Variants in PLEKHH1 observed in about 807,000 individuals in gnomAD.
PLEKHH1 encodes pleckstrin homology domain-containing family H member 1.
In PLEKHH1, 104 loss-of-function variants were observed where a neutral mutation model predicts 160.0. That is an observed-to-expected ratio of 0.65 (90% CI 0.55 to 0.76). PLEKHH1 has a LOEUF of 0.76. PLEKHH1 is among the 30% of genes least tolerant of loss of function. The pLI is 0.00. For synonymous variants in PLEKHH1, 619 were observed against 678.4 expected, an observed-to-expected ratio of 0.91 and a Z score of 1.36; for missense variants, 1,427 against 1,724.1, an observed-to-expected ratio of 0.83 and a Z score of 3.05.
chr14:67,551,690 A>C (rs1364048879), intron 2 of PLEKHH1, among the ~76,000 whole-genome samples: 1 of 152,048 alleles, frequency 6.6e-6, no homozygotes, highest in Non-Finnish European at 1.5e-5. Context: ...GGAGTTTGAG[A>C]CCAGCCTGAC....
At chr14:67,586,529 C>T in intron 28 of PLEKHH1, 2 of 736,800 alleles carry the variant, frequency 2.7e-6, no homozygotes, top group South Asian at 1.4e-5. Context: ...ACAGTGCTCC[C>T]TCTTCCTTGT....
At chr14:67,557,229 GA>G (rs748926192) in intron 3 of PLEKHH1, 39 bp from the exon 4 acceptor site, 1 of 1,594,002 alleles carries the variant, frequency 6.3e-7, no homozygotes, top group Non-Finnish European at 8.6e-7. Flanking sequence ...CACCCCGTGT[GA>G]GTGATGGGAA....
chr14:67,566,804 G>C (rs767138119), intron 7 of PLEKHH1, among the ~76,000 whole-genome samples: 30 of 151,634 alleles, frequency 2.0e-4, no homozygotes, highest in Non-Finnish European at 3.8e-4. Flanking sequence ...AAGTGTATGT[G>C]TGTGAGAGAG....
At chr14:67,539,220 T>C (rs1348457739) in intron 1 of PLEKHH1, among the ~76,000 whole-genome samples, 1 of 152,210 alleles carries the variant, frequency 6.6e-6, no homozygotes, top group East Asian at 1.9e-4. Context: ...TCTGAGAGCC[T>C]TACAAGGTTC....
At chr14:67,543,703 A>T (rs144629296) in intron 2 of PLEKHH1, among the ~76,000 whole-genome samples, 1 of 152,014 alleles carries the variant, frequency 6.6e-6, no homozygotes, top group African/African-American at 2.4e-5. Flanking sequence ...ATAAGTAGGG[A>T]TTGACTCAGC....
At chr14:67,556,612 G>T (rs928188005) in intron 3 of PLEKHH1, among the ~76,000 whole-genome samples, 1 of 152,154 alleles carries the variant, frequency 6.6e-6, no homozygotes, top group African/African-American at 2.4e-5. Context: ...GCCCAGCGGG[G>T]TGTGACGGTA....
intron 28 of PLEKHH1, 178 bp from the exon 29 acceptor site, chr14:67,586,896 C>CAT: frequency 6.5e-7 from 1 of 1,530,008 alleles, no homozygotes. Flanking sequence ...GGAGCCCACA[C>CAT]CACTGGGCCT....
chr14:67,587,404 T>C lies in PLEKHH1; in HGVS notation c.*169T>C. The C allele has an allele frequency of 2.8e-6, 2 of 726,630 alleles. No individual in the cohort carries two copies. Among genetic ancestry groups the C allele is most frequent in the South Asian group, 1.7e-5 (1 of 57,960 alleles). 45.0% of individuals were successfully genotyped at this position (726,630 alleles called of 1,614,324 possible). A position where few individuals can be genotyped will look rare whatever the true frequency, so the allele number is the denominator to read the frequency against. On this transcript the variant is annotated 3_prime_UTR_variant, in exon 29 of 29. Transcript: ENST00000329153. ...CCTTTACTCTCTAGGTGCCTTATAATGTTTCAGGGCTCAACTTTTTAAAAT... is the reference window on the plus strand; with the variant it reads ...CCTTTACTCTCTAGGTGCCTTATAACGTTTCAGGGCTCAACTTTTTAAAAT...
chr14:67,559,414 T>C (rs1387590949), intron 4 of PLEKHH1, among the ~76,000 whole-genome samples, 194 bp from the exon 5 acceptor site: 2 of 152,176 alleles, frequency 1.3e-5, no homozygotes, highest in South Asian at 2.1e-4. Flanking sequence ...TGGTGAACAC[T>C]TAGACTATTT....
Position 67,565,750 on chromosome 14 carries a change from T to C in PLEKHH1, c.1263+2856T>C, listed in dbSNP as rs142099758. Among the ~76,000 whole-genome samples, 25 of 152,210 alleles carry C rather than the reference T, an allele frequency of 1.6e-4. 1 individual carries two copies. In the East Asian group the frequency reaches 4.4e-3, roughly 27 times the overall value. On this transcript the variant is annotated intron_variant, in intron 7 of 28. Coordinates refer to ENST00000329153, the MANE Select transcript of PLEKHH1 (RefSeq NM_020715.3). ...AGGTCACTTGGGAGAGGGGGTGACA[T>C]CAGGGTGGACTCACCCCACACCACT...
chr14:67,568,063 A>G (rs1045970718), intron 7 of PLEKHH1, among the ~76,000 whole-genome samples: 19 of 152,166 alleles, frequency 1.2e-4, no homozygotes, highest in African/African-American at 4.1e-4. Context: ...GTTGGGCTAA[A>G]TAGGCTTTGT....
rs1387941150 is a variant in PLEKHH1 at position 67,573,451 on chromosome 14, G to C, written c.1839+65G>C. 1 of 1,062,616 alleles carries C rather than the reference G, an allele frequency of 9.4e-7. No homozygotes were observed. Among genetic ancestry groups the C allele is most frequent in the Non-Finnish European group, 1.5e-6 (1 of 689,404 alleles). 65.8% of individuals were successfully genotyped at this position (1,062,616 alleles called of 1,614,324 possible). The stretch of plus-strand genomic sequence containing the variant: ...CCACATCACACCCTGGACTATGTCA[G>C]ATGGGACGGAGGAGGGGGAATGTGG... On this transcript the variant is annotated intron_variant, in intron 12 of 28. Coordinates refer to ENST00000329153, the MANE Select transcript of PLEKHH1 (RefSeq NM_020715.3). The surrounding 1 kb of genome is among the most constrained non-coding windows in gnomAD (Gnocchi z 4.8).
intron 1 of PLEKHH1, among the ~76,000 whole-genome samples, chr14:67,539,001 A>G (rs186514813): frequency 1.1e-3 from 163 of 152,338 alleles, no homozygotes; most frequent in Non-Finnish European, 2.0e-3. Flanking sequence ...GAGGGAATCA[A>G]TATTAATCAA....
intron 1 of PLEKHH1, chr14:67,533,766 G>A (rs1050714111): frequency 1.3e-5 from 2 of 152,250 alleles, no homozygotes; most frequent in African/African-American, 4.8e-5. Context: ...TCTCACCTCA[G>A]GTTATTTCTT....
intron 7 of PLEKHH1, among the ~76,000 whole-genome samples, chr14:67,563,633 A>G (rs1279258019): frequency 2.0e-5 from 3 of 149,574 alleles, no homozygotes; most frequent in African/African-American, 7.4e-5. Flanking sequence ...GGGTTTCACC[A>G]TGTTGGTCAG....
rs767550634 is a variant in PLEKHH1 at position 67,555,872 on chromosome 14, G to GAAC, written c.175_177dup (p.Asn59dup). 6.2e-7 allele frequency: 1 copy of GAAC among 1,613,652 alleles called. No homozygotes were observed. Among genetic ancestry groups the GAAC allele is most frequent in the East Asian group, 2.2e-5 (1 of 44,856 alleles). On this transcript the variant is annotated inframe_insertion, in exon 3 of 29. Coordinates refer to ENST00000329153, the MANE Select transcript of PLEKHH1 (RefSeq NM_020715.3). ...TGCTGGAGGCAGAGCAGAGAGCAGA[G>GAAC]AACGCTGAGACCCAGGTAACCAGGG...
Position 67,562,735 on chromosome 14 carries a change from T to A in PLEKHH1, c.1104T>A (p.Ala368=), listed in dbSNP as rs1182019351. 1 of 1,613,548 alleles carries A rather than the reference T, an allele frequency of 6.2e-7. No individual in the cohort carries two copies. The highest frequency in any genetic ancestry group is 1.3e-5 in the African/African-American group (1 of 74,908). The change falls in exon 7 of 29, where the codon GCT becomes GCA. Residue 368 remains alanine (A), a synonymous_variant. Transcript: ENST00000329153. ...GCCTTCCTGAGCTGGAGTCCCGAGC[T>A]AGGTCCCGGGAGGAACCAGAGAAGA... ...PSGLPELESR[A]RSREEPEKME... is the part of the protein sequence containing the mutation.
chr14:67,587,046 T>C, intron 28 of PLEKHH1, 28 bp from the exon 29 acceptor site: 1 of 1,557,488 alleles, frequency 6.4e-7, no homozygotes, highest in South Asian at 1.2e-5. Flanking sequence ...GCTAGTTCAA[T>C]TCCTTCACAT....
rs78730140 is a variant in PLEKHH1 at position 67,576,755 on chromosome 14, A to G, written c.2461+252A>G. Reference sequence around the variant, plus strand: ...GGACCTGGGTAAATGTTTTACTTGGATCAAGCTGCCCCGTTGCTGGCTGGG... The same window carrying G: ...GGACCTGGGTAAATGTTTTACTTGGGTCAAGCTGCCCCGTTGCTGGCTGGG... On this transcript the variant is annotated intron_variant, in intron 17 of 28. Coordinates refer to ENST00000329153, the MANE Select transcript of PLEKHH1 (RefSeq NM_020715.3). This position sits in a 1 kb window ranked among gnomAD's most constrained non-coding sequence, Gnocchi z 4.0. Among the ~76,000 whole-genome samples, 1,620 of 152,238 alleles carry G rather than the reference A, an allele frequency of 0.011. 35 individuals carry two copies. Among genetic ancestry groups the G allele is most frequent in the African/African-American group, 0.037 (1,525 of 41,528 alleles).
Sources: gnomAD v4.1 joint callset for allele counts (sites outside exome capture counted in the v4.1 genomes callset) on GRCh38, gnomAD v4.1.1 for gene constraint, Gnocchi (gnomAD v3.1) non-coding constraint, MANE v1.5 for transcripts, NCBI Gene and HGNC (gene_info 2026-07-23, HGNC 2026-07-21) for gene names.